ERBB4: variants seen among roughly 807,000 people sequenced by gnomAD.
The protein encoded by ERBB4 is receptor tyrosine-protein kinase erbB-4.
Under a neutral mutation model 158.0 loss-of-function variants are expected in ERBB4, and 42 were observed. The ratio of observed to expected loss-of-function variants is 0.27; its 90% CI spans 0.21 to 0.34. The LOEUF is 0.34. ERBB4 is among the 10% of genes least tolerant of loss of function. The pLI, the probability that ERBB4 is intolerant of heterozygous loss-of-function variation, is 1.00. For synonymous variants in ERBB4, 583 were observed against 558.7 expected (o/e 1.04, Z -0.61); for missense variants, 1,333 against 1,624.1 (o/e 0.82, Z 3.08).
intron 3 of ERBB4, among the ~76,000 whole-genome samples, chr2:211,876,712 G>C (rs569467102): frequency 1.3e-5 from 2 of 152,150 alleles, no homozygotes; most frequent in South Asian, 4.2e-4. Flanking sequence ...AGGCATGAGG[G>C]AATCTTCTGC....
At position 211,969,783 on chromosome 2, in the gene ERBB4, CTT is replaced by C. The variant is rs1037176716; in HGVS notation, c.235-22169_235-22168del. ...TTTACTGTGTTTATTTGAATTTTCT[CTT>C]TTTCTCTTTATTAGTCTAGCTAGTG... On this transcript the variant is annotated intron_variant, in intron 2 of 27. Coordinates refer to ENST00000342788, the MANE Select transcript of ERBB4 (RefSeq NM_005235.3). Among the ~76,000 whole-genome samples the C allele has an allele frequency of 1.5e-4, 22 of 151,606 alleles. 1 individual carries two copies. Among genetic ancestry groups the C allele is most frequent in the African/African-American group, 5.1e-4 (21 of 41,346 alleles).
intron 1 of ERBB4, among the ~76,000 whole-genome samples, chr2:212,354,947 A>G (rs111382799): frequency 0.018 from 2,753 of 152,104 alleles, 40 homozygotes; most frequent in African/African-American, 0.04. Context: ...GAGTGCTACA[A>G]TGTTAAATAA....
At chr2:212,072,333 T>C (rs940155566) in intron 2 of ERBB4, among the ~76,000 whole-genome samples, 2 of 151,976 alleles carry the variant, frequency 1.3e-5, no homozygotes, top group African/African-American at 4.8e-5. Flanking sequence ...ACTTTAGATA[T>C]CATGGTAGCA....
At chr2:212,500,740 T>C (rs971309240) in intron 1 of ERBB4, among the ~76,000 whole-genome samples, 1 of 152,110 alleles carries the variant, frequency 6.6e-6, no homozygotes. Flanking sequence ...TCAATCCATC[T>C]ATCAATATAC....
intron 1 of ERBB4, among the ~76,000 whole-genome samples, chr2:212,379,799 CTCTG>C (rs1218578807): frequency 2.0e-5 from 3 of 150,380 alleles, no homozygotes; most frequent in African/African-American, 4.9e-5. Context: ...TCTCTCTCTC[CTCTG>C]TGTGTGTGTG....
At chr2:212,387,398 T>C (rs2090712492) in intron 1 of ERBB4, among the ~76,000 whole-genome samples, 1 of 152,130 alleles carries the variant, frequency 6.6e-6, no homozygotes, top group Non-Finnish European at 1.5e-5. Context: ...TTTGGTACTT[T>C]CTATCTCAAC....
At chr2:211,864,606 A>G (rs2078156557) in intron 3 of ERBB4, among the ~76,000 whole-genome samples, 1 of 152,182 alleles carries the variant, frequency 6.6e-6, no homozygotes, top group African/African-American at 2.4e-5. Context: ...GTACCAAGAG[A>G]CTTAGAAATA....
At chr2:211,600,080 C>T (rs560067248) in intron 19 of ERBB4, among the ~76,000 whole-genome samples, 5 of 152,142 alleles carry the variant, frequency 3.3e-5, no homozygotes, top group African/African-American at 1.2e-4. Context: ...AAGCTTTCCA[C>T]AATAGAATGA....
intron 2 of ERBB4, among the ~76,000 whole-genome samples, chr2:212,072,575 G>A (rs1471614492): frequency 6.6e-6 from 1 of 151,942 alleles, no homozygotes; most frequent in Non-Finnish European, 1.5e-5. Context: ...AAGAAAGAGG[G>A]CTGGGCAGTA....
rs66837219 is a variant in ERBB4 at position 211,905,744 on chromosome 2, GTA to G, written c.421+41684_421+41685del. Among the ~76,000 whole-genome samples, 273 of 119,314 alleles carry G rather than the reference GTA, an allele frequency of 2.3e-3. 1 individual carries two copies. The highest frequency in any genetic ancestry group is 9.2e-3 in the Middle Eastern group (2 of 218). The allele number at this position is 119,314 out of a possible 152,430, so 78.3% of individuals were successfully genotyped here. On this transcript the variant is annotated intron_variant, in intron 3 of 27. Coordinates refer to ENST00000342788, the MANE Select transcript of ERBB4 (RefSeq NM_005235.3). ...TGTGTGTATGTGTGTGCATGTGTGT[GTA>G]TATATATATATATATATACTATTAT...
intron 20 of ERBB4, among the ~76,000 whole-genome samples, chr2:211,552,177 G>A (rs2067115811): frequency 6.6e-6 from 1 of 151,620 alleles, no homozygotes; most frequent in South Asian, 2.1e-4. Flanking sequence ...ATATGACATG[G>A]ATATTCAAGG....
At chr2:211,835,083 A>C (rs2077310987) in intron 3 of ERBB4, among the ~76,000 whole-genome samples, 1 of 152,082 alleles carries the variant, frequency 6.6e-6, no homozygotes, top group South Asian at 2.1e-4. Context: ...TTTTTAGGGA[A>C]AGATCTTTTT....
intron 20 of ERBB4, among the ~76,000 whole-genome samples, chr2:211,472,005 G>T (rs13383927): frequency 0.26 from 40,216 of 151,934 alleles, 6,306 homozygotes; most frequent in Non-Finnish European, 0.34. Flanking sequence ...GATAATTCTG[G>T]AGCAGTAGGC....
At chr2:212,393,366 T>G (rs2090934448) in intron 1 of ERBB4, among the ~76,000 whole-genome samples, 1 of 152,058 alleles carries the variant, frequency 6.6e-6, no homozygotes, top group Non-Finnish European at 1.5e-5. Context: ...ACTCTACATA[T>G]ATGAATCAAA....
intron 1 of ERBB4, among the ~76,000 whole-genome samples, chr2:212,167,946 G>C (rs916121168): frequency 6.6e-6 from 1 of 151,918 alleles, no homozygotes; most frequent in African/African-American, 2.4e-5. Flanking sequence ...TTGGGGTGTG[G>C]GGAATGAGGG....
At chr2:212,266,778 T>C (rs1163196655) in intron 1 of ERBB4, among the ~76,000 whole-genome samples, 1 of 151,962 alleles carries the variant, frequency 6.6e-6, no homozygotes, top group Admixed American at 6.6e-5. Context: ...GAAATTAGAA[T>C]GACTGCTAAA....
chr2:211,833,676 A>G (rs1262034436), intron 3 of ERBB4, among the ~76,000 whole-genome samples: 1 of 151,932 alleles, frequency 6.6e-6, no homozygotes, highest in Non-Finnish European at 1.5e-5. Context: ...TTCTGTAAAT[A>G]TATCAATTTT....
intron 1 of ERBB4, among the ~76,000 whole-genome samples, chr2:212,186,959 G>A (rs10196116): frequency 0.99 from 150,008 of 152,208 alleles, 74,005 homozygotes; most frequent in Middle Eastern, 1. Flanking sequence ...CCTACTTTTT[G>A]AAGTAGAACA....
chr2:211,718,400 G>A (rs1428371649), intron 7 of ERBB4, among the ~76,000 whole-genome samples: 3 of 152,106 alleles, frequency 2.0e-5, no homozygotes, highest in African/African-American at 7.2e-5. Flanking sequence ...TCAGATTTCA[G>A]AATTTTTTGG....
Sources: gnomAD v4.1 joint callset for allele counts (sites outside exome capture counted in the v4.1 genomes callset) on GRCh38, gnomAD v4.1.1 for gene constraint, MANE v1.5 for transcripts, NCBI Gene and HGNC (gene_info 2026-07-23, HGNC 2026-07-21) for gene names.